Variants in SLCO2A1 observed in about 807,000 individuals in gnomAD.
SLCO2A1 encodes solute carrier organic anion transporter family member 2A1.
SLCO2A1 carries 60 observed loss-of-function variants against 71.7 expected under a neutral mutation model. The observed-to-expected ratio is 0.84, with a 90% CI of 0.68 to 1.04. SLCO2A1 has a LOEUF of 1.04. Among genes scored for constraint, SLCO2A1 ranks in the 50% least tolerant of loss-of-function variants. The probability of loss-of-function intolerance (pLI) is 0.00; values close to 1 mark genes in which losing one functional copy is unlikely to be tolerated. For missense variants in SLCO2A1, 745 were observed against 813.4 expected (o/e 0.92, Z 1.02); for synonymous variants, 308 against 326.7 (o/e 0.94, Z 0.62).
intron 1 of SLCO2A1, among the ~76,000 whole-genome samples, chr3:133,989,703 G>A (rs1018870548): frequency 2.0e-5 from 3 of 152,292 alleles, no homozygotes; most frequent in South Asian, 4.1e-4. Context: ...CGCAGGTTGG[G>A]AATAACCCCC....
At chr3:133,987,136 C>A (rs1445466750) in intron 1 of SLCO2A1, among the ~76,000 whole-genome samples, 8 of 124,952 alleles carry the variant, frequency 6.4e-5, no homozygotes, top group East Asian at 3.0e-4. Context: ...TCAAAGCCCC[C>A]CCCCCCGCCC....
At chr3:133,959,397 C>CAAAAA (rs112457858) in intron 3 of SLCO2A1, among the ~76,000 whole-genome samples, 7,752 of 123,620 alleles carry the variant, frequency 0.063, 757 homozygotes, top group African/African-American at 0.21. Context: ...TGGCTATTAC[C>CAAAAA]AAAAAAAAAA....
At chr3:133,942,443 A>T in intron 11 of SLCO2A1, 162 bp downstream of exon 11, 1 of 741,410 alleles carries the variant, frequency 1.3e-6, no homozygotes, top group Non-Finnish European at 2.2e-6. Context: ...TGCCATTAGT[A>T]TTATTTCCCC....
rs1934874343 is a variant in SLCO2A1, at chr3:133,992,407, A to C, written c.97-12789T>G. On this transcript the variant is annotated intron_variant, in intron 1 of 13. Coordinates refer to ENST00000310926, the MANE Select transcript of SLCO2A1 (RefSeq NM_005630.3). Reference sequence around the variant, plus strand: ...GAAAAAATTCTTAGCTCCTAATAACACCAGTCATCCTAAAAAGCTTTGTAT... The same window carrying C: ...GAAAAAATTCTTAGCTCCTAATAACCCCAGTCATCCTAAAAAGCTTTGTAT... Among the ~76,000 whole-genome samples, 3 of 152,198 alleles carry C rather than the reference A, an allele frequency of 2.0e-5. No homozygotes were observed. In the South Asian group the frequency reaches 6.2e-4, roughly 32 times the overall value.
chr3:133,979,020 C>A (rs1316029981), intron 2 of SLCO2A1, among the ~76,000 whole-genome samples: 3 of 152,182 alleles, frequency 2.0e-5, no homozygotes, highest in Non-Finnish European at 4.4e-5. Flanking sequence ...GGGCCCAGGG[C>A]TGCTGACCCA....
chr3:133,984,057 GT>G (rs1934654705), intron 1 of SLCO2A1, among the ~76,000 whole-genome samples: 1 of 152,310 alleles, frequency 6.6e-6, no homozygotes, highest in Admixed American at 6.5e-5. Context: ...GAGCACTTGA[GT>G]TTCTGAGCTT....
chr3:134,005,416 A>AT (rs1173967417), intron 1 of SLCO2A1, among the ~76,000 whole-genome samples: 3 of 149,298 alleles, frequency 2.0e-5, no homozygotes, highest in Non-Finnish European at 4.4e-5. Context: ...TTTTATCTCT[A>AT]TTTTTTATCC....
At chr3:133,945,453 G>A (rs967836699) in intron 9 of SLCO2A1, among the ~76,000 whole-genome samples, 193 bp from the exon 10 acceptor site, 2 of 152,104 alleles carry the variant, frequency 1.3e-5, no homozygotes, top group African/African-American at 2.4e-5. Flanking sequence ...TAGTGGTCAC[G>A]GCATCTCTCC....
At chr3:134,005,340 T>C (rs1935184137) in intron 1 of SLCO2A1, among the ~76,000 whole-genome samples, 1 of 152,228 alleles carries the variant, frequency 6.6e-6, no homozygotes, top group Non-Finnish European at 1.5e-5. Context: ...TTCTTCTGTT[T>C]CTTGATTTTC....
At chr3:133,996,661 C>T (rs914223792) in intron 1 of SLCO2A1, among the ~76,000 whole-genome samples, 1 of 152,150 alleles carries the variant, frequency 6.6e-6, no homozygotes, top group South Asian at 2.1e-4. Flanking sequence ...CCCTGCCTGC[C>T]GAGAGATCTG....
intron 1 of SLCO2A1, among the ~76,000 whole-genome samples, chr3:134,021,134 T>C (rs762449377): frequency 6.6e-6 from 1 of 152,230 alleles, no homozygotes; most frequent in Non-Finnish European, 1.5e-5. Context: ...TGATTTTGCT[T>C]TGGTGCAAAC....
chr3:133,942,700 G>T lies in SLCO2A1; in HGVS notation c.1530C>A (p.Pro510=), dbSNP rs1352909881. 6.2e-7 allele frequency: 1 copy of T among 1,613,926 alleles called. No individual in the cohort carries two copies. The highest frequency in any genetic ancestry group is 8.5e-7 in the Non-Finnish European group (1 of 1,179,976). ...TGGCCGGGAGCAGGAAGTGGGCACA[G>T]GGGACAGGGCACGATCCTGTCTTTG... The part of the protein sequence containing the change: ...ASAKTGSCPV[P]CAHFLLPAIF... Residue 510 remains proline, a synonymous_variant, in exon 11 of 14, where the codon CCC becomes CCA. Coordinates refer to ENST00000310926, the MANE Select transcript of SLCO2A1 (RefSeq NM_005630.3).
rs183163729 is a variant in SLCO2A1, at chr3:133,973,622, C to T, written c.397+41G>A. The stretch of plus-strand genomic sequence containing the variant: ...CCCACTAACTTTGTGAGATGTTCAC[C>T]CATTCCTTACCCCTTGAGGCAGGGG... On this transcript the variant is annotated intron_variant, in intron 3 of 13. Coordinates refer to ENST00000310926, the MANE Select transcript of SLCO2A1 (RefSeq NM_005630.3). The T allele has an allele frequency of 1.9e-6, 3 of 1,605,906 alleles. No homozygotes were observed. The African/African-American group carries it at 4.0e-5, about 21-fold the overall frequency.
intron 1 of SLCO2A1, among the ~76,000 whole-genome samples, chr3:133,993,480 G>GA (rs200189721): frequency 7.1e-4 from 107 of 151,648 alleles, no homozygotes; most frequent in Middle Eastern, 3.4e-3. Context: ...ACCACAGATT[G>GA]AAAAAAAATT....
At chr3:133,973,966 C>T in intron 2 of SLCO2A1, 141 bp from the exon 3 acceptor site, 1 of 879,788 alleles carries the variant, frequency 1.1e-6, no homozygotes. Context: ...GACAGAGTTA[C>T]AGTGTCAGCT....
At chr3:134,019,047 G>A (rs1357088960) in intron 1 of SLCO2A1, among the ~76,000 whole-genome samples, 1 of 152,208 alleles carries the variant, frequency 6.6e-6, no homozygotes, top group African/African-American at 2.4e-5. Flanking sequence ...CTTGGTCACA[G>A]CTGGGATGTA....
chr3:133,975,791 C>T (rs531556025), intron 2 of SLCO2A1, among the ~76,000 whole-genome samples: 12 of 152,296 alleles, frequency 7.9e-5, no homozygotes, highest in African/African-American at 2.6e-4. Flanking sequence ...CAGATTCAGG[C>T]CTCTGCTCAG....
At chr3:134,001,426 A>G (rs1288065654) in intron 1 of SLCO2A1, among the ~76,000 whole-genome samples, 1 of 152,098 alleles carries the variant, frequency 6.6e-6, no homozygotes, top group African/African-American at 2.4e-5. Flanking sequence ...TAGTCTTTAG[A>G]TGGGAGGAGT....
At chr3:133,979,080 C>T (rs1485303093) in intron 2 of SLCO2A1, among the ~76,000 whole-genome samples, 1 of 152,166 alleles carries the variant, frequency 6.6e-6, no homozygotes, top group Non-Finnish European at 1.5e-5. Context: ...GGGCAGGGGC[C>T]CCACAGGCTG....
Sources: gnomAD v4.1 joint callset for allele counts (sites outside exome capture counted in the v4.1 genomes callset) on GRCh38, gnomAD v4.1.1 for gene constraint, MANE v1.5 for transcripts, NCBI Gene and HGNC (gene_info 2026-07-23, HGNC 2026-07-21) for gene names.